Variants in ELF2 observed in about 807,000 individuals in gnomAD.
ELF2 encodes the protein E74 like ETS transcription factor 2, also known as ETS-related transcription factor Elf-2.
In ELF2, 11 loss-of-function variants were observed where a neutral mutation model predicts 54.8. The ratio of observed to expected loss-of-function variants is 0.20; its 90% CI spans 0.13 to 0.33. The LOEUF (loss-of-function observed/expected upper bound fraction) is 0.33, where lower values mean the gene tolerates loss of function less well. Among genes scored for constraint, ELF2 ranks in the 10% least tolerant of loss-of-function variants. ELF2 has a pLI of 1.00. For synonymous variants in ELF2, 203 were observed against 245.1 expected (o/e 0.83, Z 1.61); for missense variants, 513 against 703.0 (o/e 0.73, Z 3.06).
intron 6 of ELF2, among the ~76,000 whole-genome samples, chr4:139,071,506 G>A (rs1233311652): frequency 6.6e-6 from 1 of 151,846 alleles, no homozygotes; most frequent in Non-Finnish European, 1.5e-5. Context: ...AGAATAAAAT[G>A]TTGTGCGTGT....
intron 4 of ELF2, among the ~76,000 whole-genome samples, chr4:139,075,472 C>T (rs929165415): frequency 1.3e-5 from 2 of 152,092 alleles, no homozygotes; most frequent in African/African-American, 4.8e-5. Context: ...GCTCTGTTGC[C>T]CAGGCTGGAG....
chr4:139,121,271 G>C (rs1373171655), intron 4 of ELF2, among the ~76,000 whole-genome samples: 1 of 150,714 alleles, frequency 6.6e-6, no homozygotes, highest in Non-Finnish European at 1.5e-5. Flanking sequence ...ACCACGCCCG[G>C]CTAATTTTTT....
intron 1 of ELF2, among the ~76,000 whole-genome samples, chr4:139,157,953 T>C (rs1450759166): frequency 1.3e-5 from 2 of 152,200 alleles, no homozygotes; most frequent in Non-Finnish European, 2.9e-5. Flanking sequence ...ATACTCTGGA[T>C]AGAAATACAG....
intron 4 of ELF2, among the ~76,000 whole-genome samples, chr4:139,074,011 C>A (rs11939084): frequency 1.3e-5 from 2 of 152,002 alleles, no homozygotes; most frequent in Non-Finnish European, 2.9e-5. Context: ...GCCTGTAATC[C>A]CAGCTACTCA....
intron 4 of ELF2, among the ~76,000 whole-genome samples, chr4:139,090,838 G>T (rs1201976083): frequency 2.0e-5 from 3 of 152,088 alleles, no homozygotes; most frequent in Non-Finnish European, 4.4e-5. Flanking sequence ...CAAGTGATCC[G>T]CCTGCCTCCC....
At chr4:139,163,670 T>C (rs1741393524) in intron 1 of ELF2, among the ~76,000 whole-genome samples, 1 of 152,080 alleles carries the variant, frequency 6.6e-6, no homozygotes, top group Non-Finnish European at 1.5e-5. Context: ...TCCCAGCACT[T>C]TGGGAGGCCG....
intron 4 of ELF2, chr4:139,101,999 G>A (rs1382031024): frequency 2.0e-5 from 3 of 151,694 alleles, no homozygotes. Flanking sequence ...AAAAAAAGGG[G>A]GGGATGTCAA....
chr4:139,147,726 G>A (rs1411824255), intron 1 of ELF2, among the ~76,000 whole-genome samples: 8 of 150,872 alleles, frequency 5.3e-5, no homozygotes, highest in East Asian at 1.9e-4. Context: ...TACCTGCCTC[G>A]GCCTCCCAAA....
intron 4 of ELF2, among the ~76,000 whole-genome samples, chr4:139,080,175 C>A (rs1730899559): frequency 6.6e-6 from 1 of 152,152 alleles, no homozygotes; most frequent in Non-Finnish European, 1.5e-5. Flanking sequence ...TTGAATGATT[C>A]TGATTGGCTA....
chr4:139,168,949 C>A (rs1741981545), intron 1 of ELF2, among the ~76,000 whole-genome samples: 1 of 152,154 alleles, frequency 6.6e-6, no homozygotes, highest in South Asian at 2.1e-4. Context: ...AAAGCCCTGA[C>A]AAATGGAGCC....
intron 1 of ELF2, among the ~76,000 whole-genome samples, chr4:139,144,377 T>A (rs1739014585): frequency 6.6e-6 from 1 of 152,218 alleles, no homozygotes; most frequent in Non-Finnish European, 1.5e-5. Context: ...AAGCTATTCC[T>A]GATTCTGTGT....
rs867374392 is a variant in ELF2, at chr4:139,059,198, G to A, written c.1567C>T (p.Pro523Ser). The change falls in exon 10 of 10, where the codon CCT (proline) becomes TCT (serine). Residue 523 changes from proline (P) to serine (S), a missense_variant. Pro to Ser is a moderately conservative substitution (Grantham distance 74). Transcript: ENST00000686138. ...PTQQASGQTP[P>S]RVISAVIKGP... ...TTTATGACTGCACTGATAACTCGAGGAGGAGTCTGGCCAGATGCCTGCTGA... is the reference window on the plus strand; with the variant it reads ...TTTATGACTGCACTGATAACTCGAGAAGGAGTCTGGCCAGATGCCTGCTGA... 3 of 1,613,922 alleles carry A rather than the reference G, an allele frequency of 1.9e-6. No individual in the cohort carries two copies. The highest frequency in any genetic ancestry group is 8.5e-7 in the Non-Finnish European group (1 of 1,179,864).
chr4:139,156,653 TGTTA>T (rs922722654), intron 1 of ELF2, among the ~76,000 whole-genome samples: 11 of 151,450 alleles, frequency 7.3e-5, no homozygotes, highest in African/African-American at 2.7e-4. Context: ...TTGCTGTTGT[TGTTA>T]AAGACAGAGT....
intron 4 of ELF2, among the ~76,000 whole-genome samples, chr4:139,090,768 T>C (rs1197941347): frequency 6.6e-6 from 1 of 152,116 alleles, no homozygotes; most frequent in African/African-American, 2.4e-5. Context: ...TTAATTTTTG[T>C]ATTTTTAGTG....
Position 139,137,789 on chromosome 4 carries a change from C to T in ELF2, c.-88G>A, listed in dbSNP as rs1160581836. On this transcript the variant is annotated 5_prime_UTR_variant, in exon 3 of 10. The change abolishes an upstream ATG in the 5' untranslated region. Coordinates refer to ENST00000686138, the MANE Select transcript of ELF2 (RefSeq NM_001331036.3). ...TGCCAGTGTTATAGGTTTGCATTATCATGTTTTAAAAGTCAATAGAGATGG... is the reference window on the plus strand; with the variant it reads ...TGCCAGTGTTATAGGTTTGCATTATTATGTTTTAAAAGTCAATAGAGATGG... 1.9e-6 allele frequency: 3 copies of T among 1,560,208 alleles called. No homozygotes were observed. Among genetic ancestry groups the T allele is most frequent in the Non-Finnish European group, 2.6e-6 (3 of 1,155,280 alleles).
At chr4:139,067,879 G>C (rs1319063769) in intron 6 of ELF2, 109 bp from the exon 7 acceptor site, 1 of 1,049,680 alleles carries the variant, frequency 9.5e-7, no homozygotes, top group African/African-American at 1.6e-5. Flanking sequence ...ATACTAATTT[G>C]TAGATGAATA....
intron 6 of ELF2, among the ~76,000 whole-genome samples, chr4:139,068,592 C>T (rs1729061176): frequency 6.6e-6 from 1 of 152,170 alleles, no homozygotes; most frequent in Non-Finnish European, 1.5e-5. Flanking sequence ...AAAAAACTTC[C>T]AAGTGATTTC....
intron 4 of ELF2, among the ~76,000 whole-genome samples, chr4:139,118,302 G>A (rs1251126736): frequency 1.3e-5 from 2 of 152,154 alleles, no homozygotes; most frequent in Non-Finnish European, 2.9e-5. Context: ...TAACAGATCA[G>A]GTAAGGGGAT....
intron 3 of ELF2, among the ~76,000 whole-genome samples, chr4:139,125,702 A>C (rs1236500923): frequency 1.3e-5 from 2 of 151,932 alleles, no homozygotes; most frequent in African/African-American, 4.8e-5. Flanking sequence ...AGAACAACAA[A>C]ATCCTGGAAG....
Sources: gnomAD v4.1 joint callset for allele counts (sites outside exome capture counted in the v4.1 genomes callset) on GRCh38, gnomAD v4.1.1 for gene constraint, MANE v1.5 for transcripts, NCBI Gene and HGNC (gene_info 2026-07-23, HGNC 2026-07-21) for gene names.